Variants in PRUNE2 observed in about 807,000 individuals in gnomAD.
PRUNE2 encodes the protein protein prune homolog 2.
PRUNE2 carries 164 observed loss-of-function variants against 252.0 expected under a neutral mutation model. The ratio of observed to expected loss-of-function variants is 0.65; its 90% CI spans 0.57 to 0.74. The LOEUF is 0.74. Among genes scored for constraint, PRUNE2 ranks in the 30% least tolerant of loss-of-function variants. PRUNE2 has a pLI of 0.00. For missense variants in PRUNE2, 3,495 were observed against 3,711.0 expected, an observed-to-expected ratio of 0.94 and a Z score of 1.51; for synonymous variants, 1,292 against 1,350.2, an observed-to-expected ratio of 0.96 and a Z score of 0.94.
Position 76,905,912 on chromosome 9 carries a change from T to C in PRUNE2, c.36+16A>G. 1 of 1,614,190 alleles carries C rather than the reference T, an allele frequency of 6.2e-7. No individual in the cohort carries two copies. The highest frequency in any genetic ancestry group is 1.3e-5 in the African/African-American group (1 of 75,066). ...ACGCGCGCGCGCACACACACAGCTT[T>C]GCTCACTCAACTTACCAGTTTAGAT... is the stretch of plus-strand genomic sequence containing the variant. On this transcript the variant is annotated intron_variant, in intron 1 of 18. Transcript: ENST00000376718.
At position 76,652,575 on chromosome 9, in the gene PRUNE2, T is replaced by G. The variant is rs1325891184; in HGVS notation, c.8465A>C (p.Asp2822Ala). 6.2e-7 allele frequency: 1 copy of G among 1,613,072 alleles called. No individual in the cohort carries two copies. The highest frequency in any genetic ancestry group is 8.5e-7 in the Non-Finnish European group (1 of 1,179,120). The change falls in exon 11 of 19, where the codon GAT (aspartate) becomes GCT (alanine). Residue 2822 changes from aspartate (D) to alanine (A), a missense_variant. By Grantham distance (126) the Asp-to-Ala change is moderately radical. Coordinates refer to ENST00000376718, the MANE Select transcript of PRUNE2 (RefSeq NM_015225.3). ...LDQSEGSILS[D>A]DNLDSPDEID... is the part of the protein sequence containing the mutation. The stretch of plus-strand genomic sequence containing the variant: ...TTCATCTGGACTGTCCAAGTTATCA[T>G]CAGAGAGAATAGATCCTTCACTTTG...
intron 1 of PRUNE2, among the ~76,000 whole-genome samples, chr9:76,877,691 C>T (rs1021535520): frequency 1.3e-5 from 2 of 152,084 alleles, no homozygotes; most frequent in African/African-American, 4.8e-5. Context: ...CATTAGAGTA[C>T]AGTAATCAAG....
chr9:76,731,325 T>TA (rs1491241762), intron 6 of PRUNE2, among the ~76,000 whole-genome samples: 32,840 of 84,114 alleles, frequency 0.39, 4,326 homozygotes, highest in East Asian at 0.65. Flanking sequence ...TATATATATA[T>TA]TTTTTTTTTT....
At chr9:76,878,740 C>T (rs900052239) in intron 1 of PRUNE2, among the ~76,000 whole-genome samples, 1 of 152,128 alleles carries the variant, frequency 6.6e-6, no homozygotes, top group Admixed American at 6.6e-5. Flanking sequence ...AAAAATCCTA[C>T]TACTTTGTCC....
intron 6 of PRUNE2, among the ~76,000 whole-genome samples, chr9:76,801,874 T>C (rs1053406777): frequency 1.3e-5 from 2 of 152,160 alleles, no homozygotes; most frequent in Non-Finnish European, 2.9e-5. Flanking sequence ...AGGGACTCTT[T>C]CAATGACACA....
At chr9:76,878,722 A>C (rs1439603408) in intron 1 of PRUNE2, among the ~76,000 whole-genome samples, 4 of 152,128 alleles carry the variant, frequency 2.6e-5, no homozygotes, top group African/African-American at 9.7e-5. Context: ...CTGTCTTCTA[A>C]AACTTAAAAA....
intron 11 of PRUNE2, 130 bp from the exon 12 acceptor site, chr9:76,645,039 A>G (rs1844224398): frequency 3.9e-6 from 3 of 770,610 alleles, no homozygotes; most frequent in Non-Finnish European, 6.2e-6. Context: ...TCCTGCAGAA[A>G]CAACCTGATC....
At position 76,723,712 on chromosome 9, in the gene PRUNE2, CAAG is replaced by C. The variant is rs371945932; in HGVS notation, c.757-9994_757-9992del. Reference sequence around the variant, plus strand: ...ATGCCCTCTTTTGAGTTGAAGAATTCAAGAATAGAGGGGGAGATAACATGTTTA... The same window carrying C: ...ATGCCCTCTTTTGAGTTGAAGAATTCAATAGAGGGGGAGATAACATGTTTA... On this transcript the variant is annotated intron_variant, in intron 6 of 18. Transcript: ENST00000376718. Among the ~76,000 whole-genome samples, 759 of 151,974 alleles carry C rather than the reference CAAG, an allele frequency of 5.0e-3. 6 individuals carry two copies. The highest frequency in any genetic ancestry group is 0.018 in the African/African-American group (731 of 41,414).
intron 6 of PRUNE2, among the ~76,000 whole-genome samples, chr9:76,741,876 G>T (rs1291849646): frequency 6.6e-6 from 1 of 152,086 alleles, no homozygotes. Context: ...GTAAATTCTT[G>T]TACTCCCATG....
At chr9:76,727,173 G>C (rs1454028613) in intron 6 of PRUNE2, among the ~76,000 whole-genome samples, 1 of 152,146 alleles carries the variant, frequency 6.6e-6, no homozygotes, top group Non-Finnish European at 1.5e-5. Flanking sequence ...CCCTGCCCTA[G>C]TTATGACAAC....
intron 1 of PRUNE2, among the ~76,000 whole-genome samples, chr9:76,902,340 C>A (rs2063229228): frequency 6.6e-6 from 1 of 152,120 alleles, no homozygotes; most frequent in Admixed American, 6.6e-5. Context: ...AATGATGTAA[C>A]TAAGAACAGA....
intron 9 of PRUNE2, among the ~76,000 whole-genome samples, chr9:76,661,259 T>C (rs1352450597): frequency 6.6e-6 from 1 of 152,162 alleles, no homozygotes; most frequent in East Asian, 1.9e-4. Flanking sequence ...TTATCATTAT[T>C]GTTAGTATTT....
At chr9:76,812,982 C>T (rs2131769825) in intron 6 of PRUNE2, among the ~76,000 whole-genome samples, 2 of 152,268 alleles carry the variant, frequency 1.3e-5, no homozygotes, top group South Asian at 4.2e-4. Context: ...TCTCAAAACT[C>T]ACCCCTTCTT....
chr9:76,766,367 G>C (rs2052391636), intron 6 of PRUNE2, among the ~76,000 whole-genome samples: 1 of 152,000 alleles, frequency 6.6e-6, no homozygotes, highest in African/African-American at 2.4e-5. Flanking sequence ...GTGCCTTGTG[G>C]GAGAATACGT....
At position 76,703,433 on chromosome 9, in the gene PRUNE2, G is replaced by A. The variant is rs567784665; in HGVS notation, c.8180C>T (p.Ser2727Leu). 1 of 1,613,726 alleles carries A rather than the reference G, an allele frequency of 6.2e-7. No homozygotes were observed. Among genetic ancestry groups the A allele is most frequent in the Non-Finnish European group, 8.5e-7 (1 of 1,179,786 alleles). ...CATGTTTTTCTGAACAGGCTGTGGT[G>A]AAAGCATTTCCCATTCATTGTCATG... ...VTHDNEWEMLSPQPVQKNMIP... is the reference protein window; with the variant it reads ...VTHDNEWEMLLPQPVQKNMIP... The change falls in exon 9 of 19, where the codon TCA becomes TTA. Residue 2727 changes from serine (S) to leucine (L), a missense_variant. Coordinates refer to ENST00000376718, the MANE Select transcript of PRUNE2 (RefSeq NM_015225.3).
At chr9:76,788,795 G>T in intron 6 of PRUNE2, among the ~76,000 whole-genome samples, 1 of 152,142 alleles carries the variant, frequency 6.6e-6, no homozygotes, top group Non-Finnish European at 1.5e-5. Context: ...TTGACACCTG[G>T]TTAGCACTCA....
chr9:76,798,990 C>G (rs2056335912), intron 6 of PRUNE2, among the ~76,000 whole-genome samples: 1 of 152,192 alleles, frequency 6.6e-6, no homozygotes. Context: ...ACACTTAAGC[C>G]AGTCCAGATC....
In PRUNE2 at chr9:76,708,530, C is replaced by T. The variant is rs1438912814; in HGVS notation, c.3744G>A (p.Leu1248=). ...CTGAATGGCTGGGGATTTCAGGAGG[C>T]AATTCCCTTTGCTCTGAATCTGTGA... The part of the protein sequence containing the change: ...SHITDSEQRE[L]PPEIPSHSAN... The change falls in exon 8 of 19, where the codon TTG becomes TTA. Residue 1248 remains leucine (L), a synonymous_variant. Coordinates refer to ENST00000376718, the MANE Select transcript of PRUNE2 (RefSeq NM_015225.3). 4.3e-6 allele frequency: 7 copies of T among 1,613,814 alleles called. No individual in the cohort carries two copies. Among genetic ancestry groups the T allele is most frequent in the Non-Finnish European group, 5.9e-6 (7 of 1,179,892 alleles).
At chr9:76,626,245 C>T (rs748650253) in intron 16 of PRUNE2, among the ~76,000 whole-genome samples, 8 of 152,188 alleles carry the variant, frequency 5.3e-5, no homozygotes, top group Non-Finnish European at 1.2e-4. Context: ...TCAACTGTAA[C>T]CAATGATTAT....
Sources: gnomAD v4.1 joint callset for allele counts (sites outside exome capture counted in the v4.1 genomes callset) on GRCh38, gnomAD v4.1.1 for gene constraint, MANE v1.5 for transcripts, NCBI Gene and HGNC (gene_info 2026-07-23, HGNC 2026-07-21) for gene names.